Variants in ADGRL3 observed in about 807,000 individuals in gnomAD.
ADGRL3 encodes calcium-independent alpha-latrotoxin receptor 3.
In ADGRL3, 62 loss-of-function variants were observed where a neutral mutation model predicts 153.5. The observed-to-expected ratio is 0.40, with a 90% CI of 0.33 to 0.50. The LOEUF is 0.50. ADGRL3 is among the 20% of genes least tolerant of loss of function. ADGRL3 has a pLI of 0.47. For synonymous variants in ADGRL3, 710 were observed against 672.5 expected (o/e 1.06, Z -0.86); for missense variants, 1,641 against 1,859.4 (o/e 0.88, Z 2.16).
intron 5 of ADGRL3, among the ~76,000 whole-genome samples, chr4:61,670,326 T>A (rs2094947799): frequency 6.6e-6 from 1 of 152,122 alleles, no homozygotes; most frequent in South Asian, 2.1e-4. Context: ...AATGATACCA[T>A]GTTAGATCTA....
At chr4:61,253,274 T>A (rs1276809986) in intron 1 of ADGRL3, among the ~76,000 whole-genome samples, 2 of 152,216 alleles carry the variant, frequency 1.3e-5, no homozygotes, top group East Asian at 1.9e-4. Flanking sequence ...TTTTCTTTTT[T>A]AAAAAATATA....
In ADGRL3 at chr4:61,947,086, G is replaced by T; in HGVS notation, c.2592G>T (p.Leu864Phe). 1 of 1,613,730 alleles carries T rather than the reference G, an allele frequency of 6.2e-7. No homozygotes were observed. The highest frequency in any genetic ancestry group is 8.5e-7 in the Non-Finnish European group (1 of 1,179,762). ...AAGAGTTCAGTAACAAGGTTTATTT[G>T]GCTGATCCTGTGGTATTTACTGTTA... ...INKEFSNKVY[L>F]ADPVVFTVKH... Residue 864 changes from leucine to phenylalanine, a missense_variant, in exon 16 of 27, where the codon TTG (leucine) becomes TTT (phenylalanine). Leu to Phe is a conservative substitution (Grantham distance 22, BLOSUM62 0). Transcript: ENST00000683033.
chr4:61,206,115 G>T lies in ADGRL3; in HGVS notation c.-240+4350G>T, dbSNP rs967746026. 3.3e-5 allele frequency among the ~76,000 whole-genome samples: 5 copies of T among 152,120 alleles called. 1 individual carries two copies. In the South Asian group the frequency reaches 1.0e-3, roughly 32 times the overall value. The stretch of plus-strand genomic sequence containing the variant: ...AGCGTTTCTATATTTGCTCATAATA[G>T]GTTCTATAGACCTTGATAAATCATG... On this transcript the variant is annotated intron_variant, in intron 1 of 26. Coordinates refer to ENST00000683033, the MANE Select transcript of ADGRL3 (RefSeq NM_001387552.1).
At position 61,847,694 on chromosome 4, in the gene ADGRL3, T is replaced by C. The variant is rs865807357; in HGVS notation, c.1480+33805T>C. Among the ~76,000 whole-genome samples, 28 of 44,324 alleles carry C rather than the reference T, an allele frequency of 6.3e-4. 5 individuals are homozygous for C. The highest frequency in any genetic ancestry group is 1.4e-3 in the African/African-American group (14 of 10,134). 29.1% of individuals were successfully genotyped at this position (44,324 alleles called of 152,430 possible). On this transcript the variant is annotated intron_variant, in intron 9 of 26. Transcript: ENST00000683033. The stretch of plus-strand genomic sequence containing the variant: ...TATAAAATATATTATATATATAATA[T>C]AAAATATATTATATATATAATATAA...
chr4:61,217,254 T>A (rs1384270648), intron 1 of ADGRL3, among the ~76,000 whole-genome samples: 1 of 152,020 alleles, frequency 6.6e-6, no homozygotes, highest in African/African-American at 2.4e-5. Context: ...TGCTTGAGAG[T>A]TTAGCAGCAG....
chr4:61,583,228 C>G lies in ADGRL3; in HGVS notation c.260-3999C>G, dbSNP rs1274957828. Among the ~76,000 whole-genome samples, 3 of 152,134 alleles carry G rather than the reference C, an allele frequency of 2.0e-5. No individual in the cohort carries two copies. In the East Asian group the frequency reaches 5.9e-4, roughly 30 times the overall value. ...CCTTGGCAAGTCTCTGACCCCAGTC[C>G]ATGGAGACCAAGAGGAGTCACCTGA... On this transcript the variant is annotated intron_variant, in intron 4 of 26. Transcript: ENST00000683033.
At chr4:61,663,648 C>T (rs992834202) in intron 5 of ADGRL3, among the ~76,000 whole-genome samples, 3 of 152,214 alleles carry the variant, frequency 2.0e-5, no homozygotes, top group African/African-American at 4.8e-5. Flanking sequence ...CTCAGGCAAA[C>T]ATGCCACCAG....
intron 2 of ADGRL3, chr4:61,427,613 A>C (rs2097298625): frequency 6.5e-6 from 1 of 152,732 alleles, no homozygotes; most frequent in African/African-American, 2.4e-5. Flanking sequence ...CTGGGGCCCC[A>C]GTGGCTGTTC....
At chr4:61,449,114 CTTTTATT>C (rs2097641697) in intron 2 of ADGRL3, among the ~76,000 whole-genome samples, 1 of 151,342 alleles carries the variant, frequency 6.6e-6, no homozygotes, top group African/African-American at 2.4e-5. Flanking sequence ...TTATTTTTTC[CTTTTATT>C]TTTTATTTAA....
intron 6 of ADGRL3, among the ~76,000 whole-genome samples, chr4:61,705,723 T>G (rs2095846695): frequency 6.6e-6 from 1 of 152,068 alleles, no homozygotes; most frequent in African/African-American, 2.4e-5. Flanking sequence ...GGTCTCAAAC[T>G]TCTCAGCTTA....
chr4:61,936,310 G>T (rs2098838099), intron 15 of ADGRL3, among the ~76,000 whole-genome samples: 1 of 152,026 alleles, frequency 6.6e-6, no homozygotes. Flanking sequence ...GGAAATTATG[G>T]ACAAGAAAAT....
intron 1 of ADGRL3, among the ~76,000 whole-genome samples, chr4:61,320,878 C>T (rs979535696): frequency 6.6e-6 from 1 of 152,262 alleles, no homozygotes; most frequent in East Asian, 1.9e-4. Context: ...AAGATGTTTT[C>T]AGGGCAGAGT....
rs1363938097 is a variant in ADGRL3 at position 62,071,487 on chromosome 4, A to G, written c.*579A>G. 1.2e-5 allele frequency: 2 copies of G among 173,842 alleles called. No individual in the cohort carries two copies. Among genetic ancestry groups the G allele is most frequent in the Non-Finnish European group, 2.5e-5 (2 of 81,458 alleles). 10.8% of individuals were successfully genotyped at this position (173,842 alleles called of 1,614,324 possible). Reference sequence around the variant, plus strand: ...GGGGAATTCTAGAATTATATGCTAAATGCATATTTTATGATTTGCTGTATT... The same window carrying G: ...GGGGAATTCTAGAATTATATGCTAAGTGCATATTTTATGATTTGCTGTATT... On this transcript the variant is annotated 3_prime_UTR_variant, in exon 27 of 27. Coordinates refer to ENST00000683033, the MANE Select transcript of ADGRL3 (RefSeq NM_001387552.1).
Position 61,592,089 on chromosome 4 carries a change from A to AAC in ADGRL3, c.473+4650_473+4651insCA, listed in dbSNP as rs1394407177. Among the ~76,000 whole-genome samples the AAC allele has an allele frequency of 3.0e-3, 460 of 151,714 alleles. 2 individuals carry two copies. Among genetic ancestry groups the AAC allele is most frequent in the Non-Finnish European group, 4.9e-3 (330 of 67,912 alleles). ...AAACTGCTTCAAAAAAAAAAAAAAA[A>AAC]AATAGAGAAAGAATTGTTCCCCATC... On this transcript the variant is annotated intron_variant, in intron 5 of 26. Transcript: ENST00000683033.
intron 3 of ADGRL3, among the ~76,000 whole-genome samples, chr4:61,500,067 A>G (rs2098369760): frequency 7.9e-6 from 1 of 125,898 alleles, no homozygotes; most frequent in Admixed American, 7.6e-5. Context: ...GAGAGAGAAT[A>G]TCTCCAAGTA....
At chr4:61,315,246 AT>A (rs1277725463) in intron 1 of ADGRL3, among the ~76,000 whole-genome samples, 1 of 152,144 alleles carries the variant, frequency 6.6e-6, no homozygotes, top group Non-Finnish European at 1.5e-5. Context: ...CAAGTTCTGA[AT>A]TTGCAGCTGC....
chr4:61,233,165 C>T (rs1227755150), intron 1 of ADGRL3, among the ~76,000 whole-genome samples: 1 of 152,106 alleles, frequency 6.6e-6, no homozygotes, highest in Non-Finnish European at 1.5e-5. Context: ...ATAATAACAT[C>T]ATCTAATATC....
At chr4:61,792,499 T>A (rs921680023) in intron 8 of ADGRL3, among the ~76,000 whole-genome samples, 44 of 88,274 alleles carry the variant, frequency 5.0e-4, no homozygotes, top group East Asian at 1.7e-3. Flanking sequence ...TTTTATTATT[T>A]TTTTTTTTTG....
intron 9 of ADGRL3, among the ~76,000 whole-genome samples, chr4:61,877,478 G>A (rs2098482401): frequency 6.6e-6 from 1 of 152,104 alleles, no homozygotes; most frequent in African/African-American, 2.4e-5. Flanking sequence ...ATGTGGTTGT[G>A]GTTATACAAA....
Sources: allele counts gnomAD v4.1 joint callset (sites outside exome capture counted in the v4.1 genomes callset), GRCh38; gene constraint gnomAD v4.1.1; transcripts MANE v1.5; gene names NCBI Gene and HGNC (gene_info 2026-07-23, HGNC 2026-07-21).